Variants in INPP4B observed in about 807,000 individuals in gnomAD.
INPP4B encodes the protein inositol polyphosphate 4-phosphatase type II.
A neutral mutation model predicts 122.5 loss-of-function variants in INPP4B; 55 were observed. The observed-to-expected ratio is 0.45, with a 90% confidence interval of 0.36 to 0.56. The LOEUF (loss-of-function observed/expected upper bound fraction) is 0.56, where lower values mean the gene tolerates loss of function less well. Ranked by LOEUF, INPP4B falls within the 20% of genes least tolerant of loss-of-function variation. The pLI, the probability that INPP4B is intolerant of heterozygous loss-of-function variation, is 0.00. For synonymous variants in INPP4B, 403 were observed against 388.7 expected, an observed-to-expected ratio of 1.04 and a Z score of -0.43; for missense variants, 1,000 against 1,097.7, an observed-to-expected ratio of 0.91 and a Z score of 1.26.
At chr4:142,124,888 T>A in intron 18 of INPP4B, 128 bp from the exon 19 acceptor site, 1 of 722,060 alleles carries the variant, frequency 1.4e-6, no homozygotes, top group South Asian at 3.0e-5. Context: ...TTCACAAAGA[T>A]TAGAGCTGAA....
chr4:142,254,135 C>T (rs540006517), intron 11 of INPP4B, among the ~76,000 whole-genome samples: 1 of 152,120 alleles, frequency 6.6e-6, no homozygotes, highest in East Asian at 1.9e-4. Flanking sequence ...AGACCTGCAG[C>T]TGAGGGTCCT....
intron 15 of INPP4B, among the ~76,000 whole-genome samples, chr4:142,187,549 C>T (rs1246388544): frequency 6.6e-6 from 1 of 151,362 alleles, no homozygotes; most frequent in African/African-American, 2.4e-5. Flanking sequence ...AATATATATA[C>T]ATTTGCATAC....
intron 3 of INPP4B, among the ~76,000 whole-genome samples, chr4:142,436,406 C>T (rs755432231): frequency 2.6e-5 from 4 of 152,184 alleles, no homozygotes; most frequent in African/African-American, 9.6e-5. Context: ...CACGGGACAG[C>T]GAAAGTGCTT....
chr4:142,836,724 A>G (rs1782825801), intron 1 of INPP4B, among the ~76,000 whole-genome samples: 1 of 151,798 alleles, frequency 6.6e-6, no homozygotes, highest in Non-Finnish European at 1.5e-5. Context: ...CTGTCTACAC[A>G]CACACACACA....
chr4:142,163,569 C>T (rs1821191992), intron 16 of INPP4B, among the ~76,000 whole-genome samples: 1 of 151,834 alleles, frequency 6.6e-6, no homozygotes, highest in African/African-American at 2.4e-5. Context: ...ATTTACATAA[C>T]TTTCATTATA....
rs775186621 is a variant in INPP4B at position 142,305,452 on chromosome 4, A to G, written c.503+6T>C. On this transcript the variant is annotated splice_donor_region_variant and intron_variant, in intron 9 of 25. Coordinates refer to ENST00000262992, the MANE Select transcript of INPP4B (RefSeq NM_001101669.3). ...TAACAGTATTTCTACAAACAAAGAG[A>G]CCCACCTCAGGCTCAGGACCAGCAA... is the stretch of plus-strand genomic sequence containing the variant. 1.2e-6 allele frequency: 2 copies of G among 1,605,434 alleles called. No homozygotes were observed. The highest frequency in any genetic ancestry group is 4.5e-5 in the East Asian group (2 of 44,780).
intron 2 of INPP4B, among the ~76,000 whole-genome samples, chr4:142,641,834 A>T (rs907313908): frequency 1.3e-5 from 2 of 152,144 alleles, no homozygotes; most frequent in Non-Finnish European, 2.9e-5. Flanking sequence ...ATCCCTGAGG[A>T]ATCACCACAC....
At chr4:142,247,122 C>T (rs1269527500) in intron 11 of INPP4B, among the ~76,000 whole-genome samples, 1 of 152,180 alleles carries the variant, frequency 6.6e-6, no homozygotes, top group Admixed American at 6.5e-5. Context: ...GTTGAACCAG[C>T]CTCGCATCCC....
chr4:142,240,678 A>C (rs572441171), intron 11 of INPP4B, among the ~76,000 whole-genome samples: 1 of 152,254 alleles, frequency 6.6e-6, no homozygotes, highest in South Asian at 2.1e-4. Flanking sequence ...GATATAATGG[A>C]ATCTACTTTG....
chr4:142,754,475 T>A (rs1177561476), intron 1 of INPP4B, among the ~76,000 whole-genome samples: 1 of 152,040 alleles, frequency 6.6e-6, no homozygotes, highest in Non-Finnish European at 1.5e-5. Flanking sequence ...ATATTCACTA[T>A]CATGTTGTAT....
intron 2 of INPP4B, among the ~76,000 whole-genome samples, chr4:142,490,227 A>G (rs180699883): frequency 2.6e-5 from 4 of 151,868 alleles, no homozygotes; most frequent in East Asian, 1.9e-4. Flanking sequence ...TTGGACCACA[A>G]ATGCGTGCCA....
At chr4:142,823,839 A>G (rs1247582450) in intron 1 of INPP4B, among the ~76,000 whole-genome samples, 1 of 152,144 alleles carries the variant, frequency 6.6e-6, no homozygotes, top group Non-Finnish European at 1.5e-5. Flanking sequence ...TGTCAACTTG[A>G]TTGAGCTAAA....
intron 2 of INPP4B, among the ~76,000 whole-genome samples, chr4:142,558,793 T>TAAAAAAAAAAAAAAAAAAAAAAA (rs34151070): frequency 2.6e-5 from 2 of 75,546 alleles, no homozygotes; most frequent in African/African-American, 1.0e-4. Context: ...AGACTCCCTC[T>TAAAAAAAAAAAAAAAAAAAAAAA]AAAAAAAAAA....
At position 142,024,387 on chromosome 4, in the gene INPP4B, C is replaced by T. The variant is rs2152240416; in HGVS notation, c.*4395G>A. The T allele has an allele frequency of 6.6e-6, 1 of 152,212 alleles. No homozygotes were observed. The highest frequency in any genetic ancestry group is 2.4e-5 in the African/African-American group (1 of 41,550). The allele number at this position is 152,212 out of a possible 1,614,324, so 9.4% of individuals were successfully genotyped here. A position where few individuals can be genotyped will look rare whatever the true frequency, so the allele number is the denominator to read the frequency against. On this transcript the variant is annotated 3_prime_UTR_variant, in exon 26 of 26. Coordinates refer to ENST00000262992, the MANE Select transcript of INPP4B (RefSeq NM_001101669.3). Reference sequence around the variant, plus strand: ...TGTCAATCAGCTACACATCTCTCACCAAATCATTCTTTTTGGTCGTGCATA... The same window carrying T: ...TGTCAATCAGCTACACATCTCTCACTAAATCATTCTTTTTGGTCGTGCATA...
intron 7 of INPP4B, among the ~76,000 whole-genome samples, chr4:142,331,061 T>C (rs1774278613): frequency 6.6e-6 from 1 of 152,240 alleles, no homozygotes; most frequent in Non-Finnish European, 1.5e-5. Context: ...TGTTGCTCTT[T>C]ATTTGCACAG....
chr4:142,502,214 T>C lies in INPP4B; in HGVS notation c.-190-39488A>G, dbSNP rs189345944. The stretch of plus-strand genomic sequence containing the variant: ...CTTCAGATAAGGAGAAACTGAGGAT[T>C]GAACTCTGACCACTGTTTCTTGTTC... On this transcript the variant is annotated intron_variant, in intron 2 of 25. Coordinates refer to ENST00000262992, the MANE Select transcript of INPP4B (RefSeq NM_001101669.3). Among the ~76,000 whole-genome samples, 17 of 152,264 alleles carry C rather than the reference T, an allele frequency of 1.1e-4. No homozygotes were observed. The East Asian group carries it at 3.3e-3, about 29-fold the overall frequency.
At chr4:142,201,789 C>T (rs1469580639) in intron 14 of INPP4B, among the ~76,000 whole-genome samples, 10 of 151,964 alleles carry the variant, frequency 6.6e-5, no homozygotes, top group Non-Finnish European at 2.9e-5. Flanking sequence ...TCTAAAGTAA[C>T]AATTTGGTCG....
chr4:142,338,260 G>C (rs1157806729), intron 7 of INPP4B, among the ~76,000 whole-genome samples: 4 of 152,134 alleles, frequency 2.6e-5, no homozygotes, highest in African/African-American at 9.6e-5. Flanking sequence ...TTTTCAGATG[G>C]AGTCTTGCTC....
intron 2 of INPP4B, among the ~76,000 whole-genome samples, chr4:142,602,730 T>C (rs2150304757): frequency 6.6e-6 from 1 of 152,210 alleles, no homozygotes; most frequent in Non-Finnish European, 1.5e-5. Context: ...GCTGGTGACA[T>C]TGCAAATAAG....
Sources: gnomAD v4.1 joint callset for allele counts (sites outside exome capture counted in the v4.1 genomes callset) on GRCh38, gnomAD v4.1.1 for gene constraint, MANE v1.5 for transcripts, NCBI Gene and HGNC (gene_info 2026-07-23, HGNC 2026-07-21) for gene names.